DCAF10: variants seen among roughly 807,000 people sequenced by gnomAD.
DCAF10 encodes the protein DDB1 and CUL4 associated factor 10.
Under a neutral mutation model 51.9 loss-of-function variants are expected in DCAF10, and 19 were observed. That is an observed-to-expected ratio of 0.37 (90% CI 0.26 to 0.54). The LOEUF is 0.54. DCAF10 is among the 20% of genes least tolerant of loss of function. DCAF10 has a pLI of 0.87. For missense variants in DCAF10, 510 were observed against 730.6 expected, an observed-to-expected ratio of 0.70 and a Z score of 3.48; for synonymous variants, 291 against 297.1, an observed-to-expected ratio of 0.98 and a Z score of 0.21.
At chr9:37,860,355 C>T in intron 6 of DCAF10, 162 bp downstream of exon 6, 1 of 865,716 alleles carries the variant, frequency 1.2e-6, no homozygotes, top group African/African-American at 1.7e-5. Context: ...TCTCTTGCTT[C>T]ATATGGTATC....
In DCAF10 at chr9:37,822,404, GATATATAT is replaced by G. The variant is rs59549239; in HGVS notation, c.653+3034_653+3041del. Among the ~76,000 whole-genome samples, 1,056 of 124,566 alleles carry G rather than the reference GATATATAT, an allele frequency of 8.5e-3. 20 individuals carry two copies. Among genetic ancestry groups the G allele is most frequent in the South Asian group, 0.025 (75 of 3,024 alleles). 81.7% of individuals were successfully genotyped at this position (124,566 alleles called of 152,430 possible). On this transcript the variant is annotated intron_variant, in intron 2 of 6. Coordinates refer to ENST00000377724, the MANE Select transcript of DCAF10 (RefSeq NM_024345.5). ...ATCAATGAATGGATAAAGAAACTGT[GATATATAT>G]ATATATATATATATATATATATATA...
In DCAF10 at chr9:37,857,964, G is replaced by A. The variant is rs16934505; in HGVS notation, c.1165+613G>A. On this transcript the variant is annotated intron_variant, in intron 5 of 6. Coordinates refer to ENST00000377724, the MANE Select transcript of DCAF10 (RefSeq NM_024345.5). ...ACTGTTCCTCTTCATACTAACTGAC[G>A]TCTAAGCTCTTATACCATTCATTGT... 3.3e-5 allele frequency among the ~76,000 whole-genome samples: 5 copies of A among 152,012 alleles called. No individual in the cohort carries two copies. The South Asian group carries it at 6.2e-4, about 19-fold the overall frequency.
rs150487798 is a variant in DCAF10 at position 37,814,950 on chromosome 9, T to C, written c.540-4338T>C. Among the ~76,000 whole-genome samples the C allele has an allele frequency of 2.8e-3, 431 of 152,098 alleles. 3 individuals carry two copies. The highest frequency in any genetic ancestry group is 9.7e-3 in the African/African-American group (402 of 41,508). Reference sequence around the variant, plus strand: ...ATGCAATTTCGCTGAAGAATAAAGATAGAAAAATCATAAACAAAATATTAG... The same window carrying C: ...ATGCAATTTCGCTGAAGAATAAAGACAGAAAAATCATAAACAAAATATTAG... On this transcript the variant is annotated intron_variant, in intron 1 of 6. Transcript: ENST00000377724.
intron 2 of DCAF10, among the ~76,000 whole-genome samples, chr9:37,834,790 C>T (rs190135265): frequency 1.5e-4 from 20 of 132,700 alleles, no homozygotes; most frequent in Admixed American, 1.3e-3. Context: ...TTCTCAATCA[C>T]GTACTTTTTT....
rs1238067894 is a variant in DCAF10 at position 37,861,021 on chromosome 9, G to C, written c.1312-119G>C. ...TGGGAGGGGGATAGCATTATTCTGA[G>C]TGATTTCTTGTAAAAATTCTGTGGC... On this transcript the variant is annotated intron_variant, in intron 6 of 6. Coordinates refer to ENST00000377724, the MANE Select transcript of DCAF10 (RefSeq NM_024345.5). The surrounding 1 kb of genome is among the most constrained non-coding windows in gnomAD (Gnocchi z 4.9). 1 of 1,386,694 alleles carries C rather than the reference G, an allele frequency of 7.2e-7. No homozygotes were observed. The highest frequency in any genetic ancestry group is 9.7e-7 in the Non-Finnish European group (1 of 1,033,108). The allele number at this position is 1,386,694 out of a possible 1,614,324, so 85.9% of individuals were successfully genotyped here. A position where few individuals can be genotyped will look rare whatever the true frequency, so the allele number is the denominator to read the frequency against.
chr9:37,827,561 G>T (rs976879155), intron 2 of DCAF10, among the ~76,000 whole-genome samples: 7 of 151,980 alleles, frequency 4.6e-5, no homozygotes, highest in Non-Finnish European at 8.8e-5. Context: ...ATATGTAGTT[G>T]AGCTGATAAG....
At chr9:37,835,736 T>C (rs1349995126) in intron 2 of DCAF10, among the ~76,000 whole-genome samples, 1 of 152,108 alleles carries the variant, frequency 6.6e-6, no homozygotes, top group Non-Finnish European at 1.5e-5. Flanking sequence ...TGAAACTCAG[T>C]CTCAAAACAA....
At chr9:37,828,740 G>A (rs1829924973) in intron 2 of DCAF10, among the ~76,000 whole-genome samples, 1 of 152,062 alleles carries the variant, frequency 6.6e-6, no homozygotes, top group Non-Finnish European at 1.5e-5. Context: ...ATGATAGCAG[G>A]GGCATTATGA....
rs536181309 is a variant in DCAF10 at position 37,856,985 on chromosome 9, C to T, written c.1055-256C>T. Among the ~76,000 whole-genome samples the T allele has an allele frequency of 2.0e-5, 3 of 152,184 alleles. No homozygotes were observed. The East Asian group carries it at 5.8e-4, about 29-fold the overall frequency. ...ATTTTAGTACAGAAATCATGAGGAT[C>T]CAAAGACGCTCCTATGATTATTTGG... On this transcript the variant is annotated intron_variant, in intron 4 of 6. Transcript: ENST00000377724.
At position 37,801,330 on chromosome 9, in the gene DCAF10, T is replaced by C; in HGVS notation, c.464T>C (p.Ile155Thr). 1 of 1,587,322 alleles carries C rather than the reference T, an allele frequency of 6.3e-7. No homozygotes were observed. Reference protein sequence around the residue: ...FRTMTSLYGSIHPADSVYLST... With the variant: ...FRTMTSLYGSTHPADSVYLST... Reference sequence around the variant, plus strand: ...ACCATGACTAGCCTCTACGGTTCCATCCACCCCGCGGACTCGGTGTACCTC... The same window carrying C: ...ACCATGACTAGCCTCTACGGTTCCACCCACCCCGCGGACTCGGTGTACCTC... The change falls in exon 1 of 7, where the codon ATC (isoleucine) becomes ACC (threonine). Residue 155 changes from isoleucine (I) to threonine (T), a missense_variant. This residue lies in a region of DCAF10 where 126 missense variants were observed against 271.5 expected (regional missense o/e 0.46). Transcript: ENST00000377724. This position sits in a 1 kb window ranked among gnomAD's most constrained non-coding sequence, Gnocchi z 5.5.
chr9:37,827,007 G>A (rs779989509), intron 2 of DCAF10, among the ~76,000 whole-genome samples: 106 of 151,830 alleles, frequency 7.0e-4, no homozygotes, highest in Non-Finnish European at 9.9e-4. Flanking sequence ...GTATTTTTTA[G>A]TAGAGACAGG....
chr9:37,836,066 T>C, intron 2 of DCAF10: 2 of 1,146,174 alleles, frequency 1.7e-6, no homozygotes, highest in Non-Finnish European at 1.3e-6. Context: ...TGGACAGTTA[T>C]GAATATTTTG....
chr9:37,861,017 C>T lies in DCAF10; in HGVS notation c.1312-123C>T, dbSNP rs1830998278. On this transcript the variant is annotated intron_variant, in intron 6 of 6. Coordinates refer to ENST00000377724, the MANE Select transcript of DCAF10 (RefSeq NM_024345.5). This position sits in a 1 kb window ranked among gnomAD's most constrained non-coding sequence, Gnocchi z 4.9. ...TAGTTGGGAGGGGGATAGCATTATT[C>T]TGAGTGATTTCTTGTAAAAATTCTG... 7.3e-7 allele frequency: 1 copy of T among 1,362,638 alleles called. No individual in the cohort carries two copies. The highest frequency in any genetic ancestry group is 1.5e-5 in the African/African-American group (1 of 68,748). The allele number at this position is 1,362,638 out of a possible 1,614,324, so 84.4% of individuals were successfully genotyped here. A position where few individuals can be genotyped will look rare whatever the true frequency, so the allele number is the denominator to read the frequency against.
chr9:37,811,519 A>G (rs975819230), intron 1 of DCAF10, among the ~76,000 whole-genome samples: 15 of 152,208 alleles, frequency 9.9e-5, no homozygotes, highest in Non-Finnish European at 1.9e-4. Flanking sequence ...TCAAGGAATT[A>G]TAAGATGGAG....
intron 2 of DCAF10, among the ~76,000 whole-genome samples, chr9:37,835,156 C>T (rs543387587): frequency 2.6e-5 from 4 of 152,130 alleles, no homozygotes; most frequent in South Asian, 2.1e-4. Flanking sequence ...TCATCAGGGC[C>T]GGGCGCAGTG....
At chr9:37,847,857 T>C (rs1397186504) in intron 3 of DCAF10, among the ~76,000 whole-genome samples, 2 of 151,708 alleles carry the variant, frequency 1.3e-5, no homozygotes, top group Non-Finnish European at 2.9e-5. Context: ...CAATGAACAA[T>C]CCAAAAATGA....
chr9:37,830,050 C>T (rs1055775770), intron 2 of DCAF10, among the ~76,000 whole-genome samples: 1 of 151,562 alleles, frequency 6.6e-6, no homozygotes, highest in South Asian at 2.1e-4. Context: ...TATGTGGACA[C>T]GGAGGTATAT....
chr9:37,831,172 G>A (rs564233437), intron 2 of DCAF10, among the ~76,000 whole-genome samples: 7 of 152,280 alleles, frequency 4.6e-5, no homozygotes, highest in Non-Finnish European at 7.4e-5. Context: ...AGCCGAGATC[G>A]CGCCACTGCA....
At chr9:37,831,992 G>T (rs948348788) in intron 2 of DCAF10, 3 of 152,202 alleles carry the variant, frequency 2.0e-5, no homozygotes, top group Admixed American at 6.5e-5. Flanking sequence ...CAGTTATGAA[G>T]TTGCAGGGAG....
Sources: gnomAD v4.1 joint callset for allele counts (sites outside exome capture counted in the v4.1 genomes callset) on GRCh38, gnomAD v4.1.1 for gene constraint, gnomAD v4.1.1 regional missense constraint, Gnocchi (gnomAD v3.1) non-coding constraint, MANE v1.5 for transcripts, NCBI Gene and HGNC (gene_info 2026-07-23, HGNC 2026-07-21) for gene names.